The following PDE10A variants were observed in gnomAD, a reference collection of about 807,000 sequenced individuals.
PDE10A encodes the protein cAMP and cAMP-inhibited cGMP 3',5'-cyclic phosphodiesterase 10A.
In PDE10A, 39 loss-of-function variants were observed where a neutral mutation model predicts 97.7. That is an observed-to-expected ratio of 0.40 (90% CI 0.31 to 0.52). PDE10A has a LOEUF of 0.52. Ranked by LOEUF, PDE10A falls within the 20% of genes least tolerant of loss-of-function variation. The pLI is 0.56. For missense variants in PDE10A, 731 were observed against 1,047.8 expected (o/e 0.70, Z 4.17); for synonymous variants, 371 against 376.8 (o/e 0.98, Z 0.18).
At chr6:165,951,559 C>T (rs6907153) in intron 1 of PDE10A, among the ~76,000 whole-genome samples, 2,414 of 152,190 alleles carry the variant, frequency 0.016, 65 homozygotes, top group African/African-American at 0.055. Context: ...GCACCACTCA[C>T]GACGTAGGGT....
chr6:165,557,364 T>C (rs1784308582), intron 1 of PDE10A, among the ~76,000 whole-genome samples: 1 of 152,172 alleles, frequency 6.6e-6, no homozygotes, highest in East Asian at 1.9e-4. Context: ...CAGTTTCAAC[T>C]GGGATTTAAA....
At chr6:165,853,731 CAGAAAAAA>C (rs1780636304) in intron 1 of PDE10A, among the ~76,000 whole-genome samples, 1 of 152,112 alleles carries the variant, frequency 6.6e-6, no homozygotes, top group Non-Finnish European at 1.5e-5. Flanking sequence ...CACATTTTAG[CAGAAAAAA>C]ACAATGAATG....
intron 1 of PDE10A, among the ~76,000 whole-genome samples, chr6:165,595,508 C>T (rs555820252): frequency 1.3e-5 from 2 of 152,284 alleles, no homozygotes; most frequent in South Asian, 4.2e-4. Context: ...TGCCCATGTT[C>T]CATTATCAGG....
At chr6:165,882,469 A>C (rs1781509033) in intron 1 of PDE10A, among the ~76,000 whole-genome samples, 1 of 152,232 alleles carries the variant, frequency 6.6e-6, no homozygotes, top group African/African-American at 2.4e-5. Flanking sequence ...TCTAGACCTC[A>C]GGTAGGTGTA....
Position 165,811,467 on chromosome 6 carries a change from A to G in PDE10A, c.-615+176062T>C, listed in dbSNP as rs561485806. Among the ~76,000 whole-genome samples the G allele has an allele frequency of 2.0e-5, 3 of 152,234 alleles. No homozygotes were observed. In the South Asian group the frequency reaches 6.2e-4, roughly 32 times the overall value. ...CACCCTTCTCCCTTTCCCCTGAATA[A>G]ACAGCATTATTCTAGAAGGCCCATT... is the stretch of plus-strand genomic sequence containing the variant. On this transcript the variant is annotated intron_variant, in intron 1 of 19. Coordinates refer to the PDE10A transcript ENST00000366882.
At chr6:165,951,604 C>T (rs1041015103) in intron 1 of PDE10A, among the ~76,000 whole-genome samples, 2 of 152,122 alleles carry the variant, frequency 1.3e-5, no homozygotes, top group African/African-American at 4.8e-5. Context: ...GCAAGGTCCT[C>T]TTCCATCTGG....
intron 1 of PDE10A, among the ~76,000 whole-genome samples, chr6:165,649,861 T>C (rs562005495): frequency 2.6e-5 from 4 of 152,338 alleles, no homozygotes; most frequent in Admixed American, 2.6e-4. Flanking sequence ...TGAAACTGGC[T>C]GGGCAGCTCT....
chr6:165,533,218 T>C (rs1782887015), intron 2 of PDE10A, among the ~76,000 whole-genome samples: 1 of 152,218 alleles, frequency 6.6e-6, no homozygotes, highest in Admixed American at 6.5e-5. Flanking sequence ...GTGATGTTCT[T>C]GAGAGAAGCA....
chr6:165,649,200 G>C (rs997673249), intron 1 of PDE10A, among the ~76,000 whole-genome samples: 4 of 152,094 alleles, frequency 2.6e-5, no homozygotes, highest in African/African-American at 9.7e-5. Context: ...GTCAGGAAAG[G>C]GTTCTCATAA....
At chr6:165,876,757 T>A (rs936476754) in intron 1 of PDE10A, among the ~76,000 whole-genome samples, 2 of 152,168 alleles carry the variant, frequency 1.3e-5, no homozygotes, top group African/African-American at 4.8e-5. Context: ...CAAACGATCA[T>A]AACATCCCAG....
chr6:165,938,592 A>T (rs117904555), intron 1 of PDE10A, among the ~76,000 whole-genome samples: 3,001 of 152,254 alleles, frequency 0.02, 59 homozygotes, highest in Non-Finnish European at 0.025. Flanking sequence ...TGAACCCCAA[A>T]AAACGCACCT....
chr6:165,931,796 C>T (rs545368763), intron 1 of PDE10A, among the ~76,000 whole-genome samples: 3 of 152,306 alleles, frequency 2.0e-5, no homozygotes, highest in African/African-American at 7.2e-5. Context: ...ACAGTCACTT[C>T]TCCTCCTTCC....
chr6:165,425,210 A>G (rs1281508643), intron 10 of PDE10A, among the ~76,000 whole-genome samples: 1 of 152,156 alleles, frequency 6.6e-6, no homozygotes, highest in Non-Finnish European at 1.5e-5. Context: ...CATAATCAAT[A>G]CATTCAGTCA....
chr6:165,544,272 G>A (rs548616874), intron 1 of PDE10A, among the ~76,000 whole-genome samples: 15 of 152,114 alleles, frequency 9.9e-5, no homozygotes, highest in Non-Finnish European at 2.2e-4. Context: ...GAATAATCTT[G>A]ACATTTATTC....
intron 1 of PDE10A, among the ~76,000 whole-genome samples, chr6:165,585,547 A>G (rs1289878494): frequency 1.3e-5 from 2 of 152,152 alleles, no homozygotes; most frequent in African/African-American, 4.8e-5. Flanking sequence ...GGATGTGAAA[A>G]TAGAGGCAGA....
Position 165,955,127 on chromosome 6 carries a change from C to T in PDE10A, c.-615+32402G>A, listed in dbSNP as rs60200064. ...GCCTCTATGCCACCACTGATCCACA[C>T]GCGTAGAAAGGAGCCCAAGAGGGCT... On this transcript the variant is annotated intron_variant, in intron 1 of 19. Transcript: ENST00000366882. Among the ~76,000 whole-genome samples the T allele has an allele frequency of 1.3e-3, 191 of 152,202 alleles. 1 individual carries two copies. The highest frequency in any genetic ancestry group is 4.3e-3 in the African/African-American group (180 of 41,556).
At chr6:165,643,269 A>G (rs1018576655) in intron 1 of PDE10A, among the ~76,000 whole-genome samples, 3 of 151,476 alleles carry the variant, frequency 2.0e-5, no homozygotes, top group Non-Finnish European at 4.4e-5. Flanking sequence ...ATGGATGGAG[A>G]GACGAGCAGA....
At chr6:165,645,743 A>C (rs1405355360) in intron 1 of PDE10A, among the ~76,000 whole-genome samples, 1 of 151,158 alleles carries the variant, frequency 6.6e-6, no homozygotes, top group Non-Finnish European at 1.5e-5. Flanking sequence ...AATCCCAGCT[A>C]CTAGGGAGGC....
chr6:165,365,748 T>C (rs941114263), intron 18 of PDE10A, among the ~76,000 whole-genome samples: 2 of 152,074 alleles, frequency 1.3e-5, no homozygotes, highest in Non-Finnish European at 2.9e-5. Flanking sequence ...AATTAAAATT[T>C]AAAAGGTGAC....
Sources: gnomAD v4.1 joint callset for allele counts (sites outside exome capture counted in the v4.1 genomes callset) on GRCh38, gnomAD v4.1.1 for gene constraint, MANE v1.5 for transcripts, NCBI Gene and HGNC (gene_info 2026-07-23, HGNC 2026-07-21) for gene names.